DNAJC18: variants seen among roughly 807,000 people sequenced by gnomAD.
The protein encoded by DNAJC18 is DnaJ heat shock protein family (Hsp40) member C18.
A neutral mutation model predicts 48.6 loss-of-function variants in DNAJC18; 40 were observed. The ratio of observed to expected loss-of-function variants is 0.82; its 90% CI spans 0.64 to 1.07. The LOEUF is 1.07. DNAJC18 is among the 50% of genes least tolerant of loss of function. The probability of loss-of-function intolerance (pLI) is 0.00; values close to 1 mark genes in which losing one functional copy is unlikely to be tolerated. For missense variants in DNAJC18, 340 were observed against 427.7 expected (o/e 0.79, Z 1.81); for synonymous variants, 135 against 152.2 (o/e 0.89, Z 0.83).
At chr5:139,421,731 C>A (rs747035741) in intron 6 of DNAJC18, among the ~76,000 whole-genome samples, 1 of 152,148 alleles carries the variant, frequency 6.6e-6, no homozygotes, top group Non-Finnish European at 1.5e-5. Flanking sequence ...TTCCTTGAAC[C>A]AGGGATGTGG....
chr5:139,422,735 T>C lies in DNAJC18; in HGVS notation c.752A>G (p.Asn251Ser), dbSNP rs1561998885. The C allele has an allele frequency of 1.9e-6, 3 of 1,609,628 alleles. No homozygotes were observed. The highest frequency in any genetic ancestry group is 2.5e-6 in the Non-Finnish European group (3 of 1,178,278). The change falls in exon 6 of 8, where the codon AAT becomes AGT. Residue 251 changes from asparagine to serine, a missense_variant. Transcript: ENST00000302060. ...TTTATAGAACAGACTATATGGGGGA[T>C]TAGTAGCCAGCAGCTGAGTAATGAC... Reference protein sequence around the residue: ...ISVITQLLATNPPYSLFYKST... With the variant: ...ISVITQLLATSPPYSLFYKST...
At chr5:139,421,310 G>T (rs1759148777) in intron 6 of DNAJC18, among the ~76,000 whole-genome samples, 1 of 152,120 alleles carries the variant, frequency 6.6e-6, no homozygotes, top group Non-Finnish European at 1.5e-5. Context: ...TTAGCCAGGT[G>T]TGGTGGCACA....
rs559748328 is a variant in DNAJC18, at chr5:139,418,863, C to G, written c.952+1190G>C. ...GACACAAAATTAGTAAGACCAAGTT[C>G]TTATTCCCAGACAGTCCATAGTCTT... is the stretch of plus-strand genomic sequence containing the variant. On this transcript the variant is annotated intron_variant, in intron 7 of 7. Coordinates refer to ENST00000302060, the MANE Select transcript of DNAJC18 (RefSeq NM_152686.4). 109 of 456,296 alleles carry G rather than the reference C, an allele frequency of 2.4e-4. 1 individual carries two copies. The highest frequency in any genetic ancestry group is 1.6e-3 in the South Asian group (105 of 64,564). 28.3% of individuals were successfully genotyped at this position (456,296 alleles called of 1,614,324 possible).
At chr5:139,434,966 T>G (rs1750613444) in intron 2 of DNAJC18, among the ~76,000 whole-genome samples, 1 of 152,214 alleles carries the variant, frequency 6.6e-6, no homozygotes, top group South Asian at 2.1e-4. Flanking sequence ...AAACACCTAG[T>G]TGTTCACCTT....
chr5:139,422,305 A>T (rs1362886568), intron 6 of DNAJC18, among the ~76,000 whole-genome samples: 1 of 152,266 alleles, frequency 6.6e-6, no homozygotes, highest in African/African-American at 2.4e-5. Flanking sequence ...AAAAATTGAA[A>T]ATAATCACTT....
chr5:139,437,751 G>A (rs1750703886), intron 1 of DNAJC18, among the ~76,000 whole-genome samples, 193 bp from the exon 2 acceptor site: 1 of 152,182 alleles, frequency 6.6e-6, no homozygotes, highest in Admixed American at 6.5e-5. Context: ...TCCGTGGTCA[G>A]AAGAGACACT....
In DNAJC18 at chr5:139,434,498, T is replaced by C. The variant is rs556701112; in HGVS notation, c.227+2874A>G. 6.6e-5 allele frequency among the ~76,000 whole-genome samples: 10 copies of C among 152,256 alleles called. No homozygotes were observed. The South Asian group carries it at 2.1e-3, about 32-fold the overall frequency. ...GCCACCACACCTGGCTAAATTTTTA[T>C]TTTTAGTAGAGACAGGGCCTCGCTA... On this transcript the variant is annotated intron_variant, in intron 2 of 7. Transcript: ENST00000302060.
rs1264947782 is a variant in DNAJC18 at position 139,419,193 on chromosome 5, T to C, written c.952+860A>G. On this transcript the variant is annotated intron_variant, in intron 7 of 7. Transcript: ENST00000302060. ...ACCTCCTGAAAAATAAAAAAGAAAA[T>C]AAAAATAATCAAAACCAAGTTTTAG... is the stretch of plus-strand genomic sequence containing the variant. 6.8e-6 allele frequency: 3 copies of C among 444,398 alleles called. No homozygotes were observed. The East Asian group carries it at 2.1e-4, about 31-fold the overall frequency. The allele number at this position is 444,398 out of a possible 1,614,324, so 27.5% of individuals were successfully genotyped here.
At chr5:139,427,727 A>G (rs1028232033) in intron 3 of DNAJC18, among the ~76,000 whole-genome samples, 7 of 152,212 alleles carry the variant, frequency 4.6e-5, no homozygotes, top group African/African-American at 1.4e-4. Context: ...CAATGCATCC[A>G]TGCAAGATCA....
intron 2 of DNAJC18, among the ~76,000 whole-genome samples, chr5:139,434,156 G>T (rs1759373987): frequency 6.6e-6 from 1 of 152,070 alleles, no homozygotes; most frequent in Non-Finnish European, 1.5e-5. Flanking sequence ...CTCCTAAAGT[G>T]CTGAGATTAC....
At chr5:139,418,889 G>T (rs1267227377) in intron 7 of DNAJC18, 2 of 455,712 alleles carry the variant, frequency 4.4e-6, no homozygotes, top group Non-Finnish European at 8.8e-6. Context: ...CCATAGTCTT[G>T]CAGGGGAGAC....
At position 139,437,405 on chromosome 5, in the gene DNAJC18, G is replaced by A. The variant is rs371984025; in HGVS notation, c.194C>T (p.Thr65Met). 6.2e-6 allele frequency: 10 copies of A among 1,613,316 alleles called. No homozygotes were observed. The highest frequency in any genetic ancestry group is 1.3e-5 in the African/African-American group (1 of 74,812). ...TQTRQGEGNS[T>M]YSEEQLLGVQ... ...CCCAAGCAGCTGTTCCTCACTATACGTGGAGTTCCCCTCACCCTGCCGGGT... is the reference window on the plus strand; with the variant it reads ...CCCAAGCAGCTGTTCCTCACTATACATGGAGTTCCCCTCACCCTGCCGGGT... The change falls in exon 2 of 8, where the codon ACG becomes ATG. Residue 65 changes from threonine to methionine, a missense_variant. Coordinates refer to ENST00000302060, the MANE Select transcript of DNAJC18 (RefSeq NM_152686.4).
intron 6 of DNAJC18, among the ~76,000 whole-genome samples, chr5:139,420,645 T>C (rs564394958): frequency 8.0e-5 from 12 of 150,878 alleles, no homozygotes; most frequent in Admixed American, 1.3e-4. Context: ...AACAGATAGC[T>C]CACACCAACC....
chr5:139,416,418 C>T (rs1759069822), intron 7 of DNAJC18, among the ~76,000 whole-genome samples: 1 of 152,192 alleles, frequency 6.6e-6, no homozygotes, highest in East Asian at 1.9e-4. Flanking sequence ...CAAAAGAGCC[C>T]AGATTGGTCT....
chr5:139,420,469 C>T (rs769655068), intron 6 of DNAJC18, among the ~76,000 whole-genome samples: 9 of 151,042 alleles, frequency 6.0e-5, no homozygotes, highest in Non-Finnish European at 1.2e-4. Context: ...TCTTAAAGGA[C>T]TCACCTCTCT....
intron 3 of DNAJC18, among the ~76,000 whole-genome samples, chr5:139,427,431 T>C (rs1759261076): frequency 6.6e-6 from 1 of 152,186 alleles, no homozygotes; most frequent in African/African-American, 2.4e-5. Flanking sequence ...CAGTCAACAC[T>C]GTCAGAAACA....
At position 139,439,509 on chromosome 5, in the gene DNAJC18, C is replaced by T; in HGVS notation, c.-64G>A. 8 of 1,611,650 alleles carry T rather than the reference C, an allele frequency of 5.0e-6. No individual in the cohort carries two copies. The highest frequency in any genetic ancestry group is 5.9e-6 in the Non-Finnish European group (7 of 1,178,926). On this transcript the variant is annotated 5_prime_UTR_variant, in exon 1 of 8. Transcript: ENST00000302060. This position sits in a 1 kb window ranked among gnomAD's most constrained non-coding sequence, Gnocchi z 4.1. ...TGCCCGAGGCTGAAAGAGAAGGGGG[C>T]GCGGAGCGCGGGGCACGCTGGTCAT... is the stretch of plus-strand genomic sequence containing the variant.
At chr5:139,420,007 C>T (rs758708345) in intron 7 of DNAJC18, 46 bp downstream of exon 7, 1 of 1,498,990 alleles carries the variant, frequency 6.7e-7, no homozygotes, top group East Asian at 2.4e-5. Flanking sequence ...GTGCCTCCTG[C>T]TGGGAACCAC....
intron 6 of DNAJC18, among the ~76,000 whole-genome samples, chr5:139,420,915 A>C (rs1275730755): frequency 3.3e-5 from 5 of 152,290 alleles, no homozygotes; most frequent in Middle Eastern, 3.4e-3. Flanking sequence ...AACTGGACAA[A>C]TTCTACATTA....
Sources: allele counts gnomAD v4.1 joint callset (sites outside exome capture counted in the v4.1 genomes callset), GRCh38; gene constraint gnomAD v4.1.1; non-coding constraint Gnocchi (gnomAD v3.1); transcripts MANE v1.5; gene names NCBI Gene and HGNC (gene_info 2026-07-23, HGNC 2026-07-21).